The following CDH9 variants were observed in gnomAD, a reference collection of about 807,000 sequenced individuals.
CDH9 encodes the protein cadherin 9.
In CDH9, 28 loss-of-function variants were observed where a neutral mutation model predicts 70.9. The observed-to-expected ratio is 0.40, with a 90% CI of 0.29 to 0.54. The LOEUF is 0.54. CDH9 is among the 20% of genes least tolerant of loss of function. CDH9 has a pLI of 0.59. For synonymous variants in CDH9, 409 were observed against 343.1 expected (o/e 1.19, Z -2.12); for missense variants, 874 against 984.4 (o/e 0.89, Z 1.50).
chr5:27,006,161 G>T (rs1034381944), intron 1 of CDH9, among the ~76,000 whole-genome samples: 1 of 151,728 alleles, frequency 6.6e-6, no homozygotes, highest in East Asian at 1.9e-4. Context: ...AAGTACCCTC[G>T]AACCTATAAT....
chr5:27,022,816 C>T (rs1335654091), intron 1 of CDH9, among the ~76,000 whole-genome samples: 1 of 152,066 alleles, frequency 6.6e-6, no homozygotes. Context: ...AGTTCTGGTG[C>T]TAAACCGGTC....
intron 2 of CDH9, among the ~76,000 whole-genome samples, chr5:26,941,657 A>T (rs762985631): frequency 6.6e-6 from 1 of 152,162 alleles, no homozygotes. Context: ...AATATCTCCA[A>T]ATCTTTCACA....
At chr5:26,955,162 T>C (rs1741925326) in intron 2 of CDH9, among the ~76,000 whole-genome samples, 1 of 152,246 alleles carries the variant, frequency 6.6e-6, no homozygotes, top group Non-Finnish European at 1.5e-5. Flanking sequence ...CCAGTTTTCT[T>C]TTCAAATATT....
rs533397321 is a variant in CDH9, at chr5:27,000,541, T to C, written c.-49-12159A>G. Among the ~76,000 whole-genome samples, 143 of 152,248 alleles carry C rather than the reference T, an allele frequency of 9.4e-4. No homozygotes were observed. The Middle Eastern group carries it at 0.01, about 11-fold the overall frequency. ...GGGACATAAGATGACACAATCACAG[T>C]GACCGAAGTTGGAACAACTTCAGCC... On this transcript the variant is annotated intron_variant, in intron 1 of 11. Transcript: ENST00000231021.
intron 7 of CDH9, among the ~76,000 whole-genome samples, chr5:26,892,219 T>C (rs920375796): frequency 6.6e-6 from 1 of 152,234 alleles, no homozygotes; most frequent in African/African-American, 2.4e-5. Flanking sequence ...GCCGTACTAG[T>C]TAATTTTTTA....
At chr5:27,020,514 G>A (rs1229353394) in intron 1 of CDH9, among the ~76,000 whole-genome samples, 1 of 151,520 alleles carries the variant, frequency 6.6e-6, no homozygotes, top group East Asian at 1.9e-4. Context: ...AATTATTTTA[G>A]TGTTAGTACT....
chr5:26,948,213 A>T (rs1741786798), intron 2 of CDH9, among the ~76,000 whole-genome samples: 1 of 152,222 alleles, frequency 6.6e-6, no homozygotes, highest in South Asian at 2.1e-4. Context: ...CAAGAACAAC[A>T]ACACGGAGAT....
chr5:26,922,026 CA>C (rs3071199), intron 2 of CDH9, among the ~76,000 whole-genome samples: 22,677 of 125,244 alleles, frequency 0.18, 2,294 homozygotes, highest in African/African-American at 0.32. Flanking sequence ...CAAAATAGTC[CA>C]AAAAAAAAAA....
chr5:26,914,574 C>A (rs1420059691), intron 3 of CDH9, among the ~76,000 whole-genome samples: 1 of 151,880 alleles, frequency 6.6e-6, no homozygotes, highest in Non-Finnish European at 1.5e-5. Flanking sequence ...ACTGTGTTTT[C>A]CTCAATTAGA....
At chr5:26,883,041 TTATATA>T (rs59145200) in intron 11 of CDH9, among the ~76,000 whole-genome samples, 4,239 of 57,944 alleles carry the variant, frequency 0.073, 761 homozygotes, top group East Asian at 0.1. Context: ...CAGGATCATC[TTATATA>T]TATATATATA....
chr5:26,888,969 C>T (rs1740609779), intron 9 of CDH9, among the ~76,000 whole-genome samples: 1 of 152,088 alleles, frequency 6.6e-6, no homozygotes, highest in Non-Finnish European at 1.5e-5. Context: ...TTCTTTGAAA[C>T]ACCATCTCCA....
At chr5:26,995,859 G>A (rs1245210195) in intron 1 of CDH9, among the ~76,000 whole-genome samples, 1 of 151,882 alleles carries the variant, frequency 6.6e-6, no homozygotes, top group East Asian at 1.9e-4. Context: ...TTTAAATGTG[G>A]CTCAACTTTG....
intron 3 of CDH9, among the ~76,000 whole-genome samples, chr5:26,912,574 C>G (rs747651244): frequency 6.6e-6 from 1 of 151,142 alleles, no homozygotes; most frequent in Non-Finnish European, 1.5e-5. Context: ...CCCTTATATT[C>G]TTATTTAGAT....
chr5:26,903,797 G>C lies in CDH9; in HGVS notation c.839C>G (p.Ser280Cys). ...QSTYQFNSPE[S>C]VPLGTHLGRI... ...TCCAAGATGAGTTCCAAGAGGTACA[G>C]ACTCAGGAGAATTAAATTGATACGT... The change falls in exon 6 of 12, where the codon TCT becomes TGT. Residue 280 changes from serine (S) to cysteine (C), a missense_variant. Physicochemically the swap from Ser to Cys is moderately radical, Grantham distance 112. Coordinates refer to ENST00000231021, the MANE Select transcript of CDH9 (RefSeq NM_016279.4). 2.5e-6 allele frequency: 4 copies of C among 1,586,108 alleles called. No homozygotes were observed. Among genetic ancestry groups the C allele is most frequent in the Non-Finnish European group, 3.4e-6 (4 of 1,167,328 alleles).
At chr5:26,930,109 T>C (rs1003542208) in intron 2 of CDH9, among the ~76,000 whole-genome samples, 1 of 152,072 alleles carries the variant, frequency 6.6e-6, no homozygotes, top group Non-Finnish European at 1.5e-5. Context: ...ATGTGCCCCA[T>C]AAATATATCC....
chr5:26,898,676 T>C (rs538593734), intron 7 of CDH9, among the ~76,000 whole-genome samples: 1 of 152,270 alleles, frequency 6.6e-6, no homozygotes, highest in East Asian at 1.9e-4. Flanking sequence ...TCACTCAAGA[T>C]GGACTGAAGA....
At chr5:26,892,535 TC>T (rs1740678226) in intron 7 of CDH9, among the ~76,000 whole-genome samples, 1 of 152,186 alleles carries the variant, frequency 6.6e-6, no homozygotes, top group South Asian at 2.1e-4. Flanking sequence ...TCTGCTGTAG[TC>T]CTCATTTTTC....
At chr5:26,962,199 G>C (rs11742492) in intron 2 of CDH9, among the ~76,000 whole-genome samples, 109,388 of 152,042 alleles carry the variant, frequency 0.72, 41,919 homozygotes, top group East Asian at 0.99. Context: ...TGTATATTTG[G>C]CACATTTTCT....
intron 1 of CDH9, among the ~76,000 whole-genome samples, chr5:27,002,628 G>C (rs1203563026): frequency 6.6e-6 from 1 of 152,152 alleles, no homozygotes; most frequent in Non-Finnish European, 1.5e-5. Flanking sequence ...TAGGGACATG[G>C]ATGAAGCTGG....
Sources: allele counts gnomAD v4.1 joint callset (sites outside exome capture counted in the v4.1 genomes callset), GRCh38; gene constraint gnomAD v4.1.1; transcripts MANE v1.5; gene names NCBI Gene and HGNC (gene_info 2026-07-23, HGNC 2026-07-21).